SETBP1: variants seen among roughly 807,000 people sequenced by gnomAD.
SETBP1 encodes SET-binding protein.
SETBP1 carries 9 observed loss-of-function variants against 101.0 expected under a neutral mutation model. That is an observed-to-expected ratio of 0.09 (90% confidence interval 0.05 to 0.16). SETBP1 has a LOEUF of 0.16. SETBP1 is among the 10% of genes least tolerant of loss of function. The pLI is 1.00. For synonymous variants in SETBP1, 818 were observed against 788.5 expected (o/e 1.04, Z -0.63); for missense variants, 1,858 against 2,033.8 (o/e 0.91, Z 1.66).
At chr18:45,002,825 A>C (rs1352231036) in intron 4 of SETBP1, among the ~76,000 whole-genome samples, 1 of 152,216 alleles carries the variant, frequency 6.6e-6, no homozygotes, top group East Asian at 1.9e-4. Context: ...TTAAGGGCTC[A>C]GTTGAAAATG....
chr18:44,906,471 A>G (rs1489616871), intron 3 of SETBP1, among the ~76,000 whole-genome samples: 1 of 152,246 alleles, frequency 6.6e-6, no homozygotes, highest in Non-Finnish European at 1.5e-5. Context: ...CATTCCTCAT[A>G]GCTCACTTTC....
At chr18:44,899,685 ATGCAT>A (rs1291148908) in intron 3 of SETBP1, among the ~76,000 whole-genome samples, 3 of 152,190 alleles carry the variant, frequency 2.0e-5, no homozygotes, top group Admixed American at 6.5e-5. Flanking sequence ...CAACTTTATT[ATGCAT>A]TGATCTCCAC....
At chr18:44,765,806 A>G (rs2070754025) in intron 2 of SETBP1, among the ~76,000 whole-genome samples, 1 of 152,242 alleles carries the variant, frequency 6.6e-6, no homozygotes. Flanking sequence ...AAAACAAACA[A>G]GCACCCATGA....
rs2073915872 is a variant in SETBP1, at chr18:45,063,186, C to T, written c.4279C>T (p.Leu1427=). The part of the protein sequence containing the change: ...YTKILSTKKN[L]DHVNKILKAK... ...CAAGATCCTGTCCACCAAGAAGAAC[C>T]TGGACCACGTGAACAAGATCCTGAA... The change falls in exon 6 of 6, where the codon CTG becomes TTG. Residue 1427 remains leucine (L), a synonymous_variant. Coordinates refer to ENST00000649279, the MANE Select transcript of SETBP1 (RefSeq NM_015559.3). 6.2e-7 allele frequency: 1 copy of T among 1,614,080 alleles called. No individual in the cohort carries two copies. The highest frequency in any genetic ancestry group is 1.3e-5 in the African/African-American group (1 of 75,008).
intron 2 of SETBP1, among the ~76,000 whole-genome samples, chr18:44,777,568 T>C (rs1414700144): frequency 6.6e-6 from 1 of 152,188 alleles, no homozygotes; most frequent in Non-Finnish European, 1.5e-5. Context: ...TGTATATCTC[T>C]GGCTGTTCTG....
intron 2 of SETBP1, among the ~76,000 whole-genome samples, chr18:44,721,543 T>C (rs1003749349): frequency 6.7e-6 from 1 of 149,824 alleles, no homozygotes; most frequent in African/African-American, 2.5e-5. Flanking sequence ...GTTCTCCAGC[T>C]CAGCACGGGA....
At chr18:44,733,038 A>G (rs1423562090) in intron 2 of SETBP1, 2 of 152,230 alleles carry the variant, frequency 1.3e-5, no homozygotes, top group African/African-American at 2.4e-5. Flanking sequence ...AACTCCCACA[A>G]GAAGTCCTGG....
intron 4 of SETBP1, among the ~76,000 whole-genome samples, chr18:45,008,561 T>C (rs1294122019): frequency 6.6e-6 from 1 of 152,256 alleles, no homozygotes; most frequent in Non-Finnish European, 1.5e-5. Flanking sequence ...TGCAGTTTGA[T>C]AGACCAGATT....
intron 3 of SETBP1, among the ~76,000 whole-genome samples, chr18:44,925,011 T>TC (rs57235356): frequency 8.8e-6 from 1 of 113,936 alleles, no homozygotes; most frequent in Non-Finnish European, 1.8e-5. Flanking sequence ...GTGTGAGTTT[T>TC]TTTTTTTTTT....
chr18:44,914,865 A>G (rs1244757929), intron 3 of SETBP1, among the ~76,000 whole-genome samples: 1 of 152,066 alleles, frequency 6.6e-6, no homozygotes, highest in Non-Finnish European at 1.5e-5. Context: ...GACTCCACCC[A>G]AGCCAACGTC....
At chr18:45,031,623 T>C (rs573335640) in intron 4 of SETBP1, among the ~76,000 whole-genome samples, 1 of 152,326 alleles carries the variant, frequency 6.6e-6, no homozygotes, top group South Asian at 2.1e-4. Context: ...GTTAGTGCAG[T>C]TTCCTAAAAG....
chr18:44,848,269 T>G (rs979348951), intron 2 of SETBP1, among the ~76,000 whole-genome samples: 4 of 152,054 alleles, frequency 2.6e-5, no homozygotes, highest in African/African-American at 9.7e-5. Context: ...GGGGAAGGCC[T>G]TAAAGCTCAT....
At chr18:44,966,899 T>A (rs978535564) in intron 4 of SETBP1, among the ~76,000 whole-genome samples, 4 of 152,146 alleles carry the variant, frequency 2.6e-5, no homozygotes, top group African/African-American at 9.7e-5. Context: ...CACACAGAGT[T>A]TTATGAGAGC....
intron 5 of SETBP1, among the ~76,000 whole-genome samples, chr18:45,046,754 C>G (rs1476223760): frequency 6.6e-6 from 1 of 152,176 alleles, no homozygotes; most frequent in Non-Finnish European, 1.5e-5. Flanking sequence ...TAGATTTTGT[C>G]TCACTCAATA....
intron 3 of SETBP1, chr18:44,876,659 G>A: frequency 6.4e-7 from 1 of 1,551,300 alleles, no homozygotes; most frequent in Non-Finnish European, 8.7e-7. Context: ...CGTGCCATGT[G>A]CTTCTCATGC....
Position 45,063,588 on chromosome 18 carries a change from G to C in SETBP1, c.4681G>C (p.Ala1561Pro), listed in dbSNP as rs1356624472. Reference sequence around the variant, plus strand: ...GAGGAAACACAAACCGCAGGCCCCCGCTCAGCCCCCACAGCAGTCGCCCCC... The same window carrying C: ...GAGGAAACACAAACCGCAGGCCCCCCCTCAGCCCCCACAGCAGTCGCCCCC... ...GKRKHKPQAP[A>P]QPPQQSPPQQ... The change falls in exon 6 of 6, where the codon GCT becomes CCT. Residue 1561 changes from alanine (A) to proline (P), a missense_variant. This residue lies in a region of SETBP1 where 178 missense variants were observed against 189.1 expected (regional missense o/e 0.94). Transcript: ENST00000649279. The C allele has an allele frequency of 7.0e-7, 1 of 1,428,112 alleles. No homozygotes were observed. Among genetic ancestry groups the C allele is most frequent in the Admixed American group, 2.1e-5 (1 of 47,302 alleles). The allele number at this position is 1,428,112 out of a possible 1,614,324, so 88.5% of individuals were successfully genotyped here.
chr18:44,976,295 T>C (rs1200902699), intron 4 of SETBP1, among the ~76,000 whole-genome samples: 1 of 152,182 alleles, frequency 6.6e-6, no homozygotes, highest in African/African-American at 2.4e-5. Flanking sequence ...AACCCTGGGC[T>C]GTTGCAAAGG....
At chr18:44,980,621 A>C (rs947544147) in intron 4 of SETBP1, among the ~76,000 whole-genome samples, 1 of 151,982 alleles carries the variant, frequency 6.6e-6, no homozygotes, top group Non-Finnish European at 1.5e-5. Context: ...AGAGGCAGGG[A>C]GGTTGAGGAG....
rs990156620 is a variant in SETBP1 at position 45,046,905 on chromosome 18, G to T, written c.4171+8250G>T. Among the ~76,000 whole-genome samples, 3 of 152,322 alleles carry T rather than the reference G, an allele frequency of 2.0e-5. No individual in the cohort carries two copies. In the South Asian group the frequency reaches 6.2e-4, roughly 32 times the overall value. ...CTTGCACGATGCTGGGTGCTTAGTAGATACTCAATAGACATGCCTGGACTT... is the reference window on the plus strand; with the variant it reads ...CTTGCACGATGCTGGGTGCTTAGTATATACTCAATAGACATGCCTGGACTT... On this transcript the variant is annotated intron_variant, in intron 5 of 5. Coordinates refer to ENST00000649279, the MANE Select transcript of SETBP1 (RefSeq NM_015559.3).
Sources: allele counts gnomAD v4.1 joint callset (sites outside exome capture counted in the v4.1 genomes callset), GRCh38; gene constraint gnomAD v4.1.1; regional missense constraint gnomAD v4.1.1; transcripts MANE v1.5; gene names NCBI Gene and HGNC (gene_info 2026-07-23, HGNC 2026-07-21).